PHLDB2: variants seen among roughly 807,000 people sequenced by gnomAD.
The protein encoded by PHLDB2 is pleckstrin homology-like domain family B member 2.
In PHLDB2, 71 loss-of-function variants were observed where a neutral mutation model predicts 123.6. The observed-to-expected ratio is 0.57, with a 90% CI of 0.47 to 0.70. The LOEUF (loss-of-function observed/expected upper bound fraction) is 0.70. Among genes scored for constraint, PHLDB2 ranks in the 30% least tolerant of loss-of-function variants. The probability of loss-of-function intolerance (pLI) is 0.00; values close to 1 mark genes in which losing one functional copy is unlikely to be tolerated. For synonymous variants in PHLDB2, 547 were observed against 541.6 expected, an observed-to-expected ratio of 1.01 and a Z score of -0.14; for missense variants, 1,446 against 1,519.5, an observed-to-expected ratio of 0.95 and a Z score of 0.80.
rs146143694 is a variant in PHLDB2, at chr3:111,952,419, A to C, written c.2632-153A>C. On this transcript the variant is annotated intron_variant, in intron 10 of 17. Coordinates refer to ENST00000431670, the MANE Select transcript of PHLDB2 (RefSeq NM_001134438.2). ...TAGTATCTAATCAAATACTAGCTCA[A>C]ATCTATCAGTGAACACAATATATGT... Among the ~76,000 whole-genome samples, 6 of 152,356 alleles carry C rather than the reference A, an allele frequency of 3.9e-5. No individual in the cohort carries two copies. In the South Asian group the frequency reaches 1.2e-3, roughly 32 times the overall value.
At chr3:111,883,861 A>T in intron 1 of PHLDB2, 2 of 534,884 alleles carry the variant, frequency 3.7e-6, no homozygotes, top group Non-Finnish European at 6.5e-6. Flanking sequence ...TCTCTTTTGT[A>T]CATAAGTTAT....
intron 1 of PHLDB2, among the ~76,000 whole-genome samples, chr3:111,781,954 C>A (rs6762572): frequency 0.27 from 40,676 of 151,964 alleles, 6,899 homozygotes; most frequent in African/African-American, 0.48. Context: ...CTACCTCAGT[C>A]ATAGGGCCAG....
chr3:111,754,082 G>A (rs1233355347), intron 1 of PHLDB2, among the ~76,000 whole-genome samples: 59 of 151,964 alleles, frequency 3.9e-4, no homozygotes, highest in Non-Finnish European at 7.6e-4. Context: ...GTCAGGTAGC[G>A]TGATGCCTCC....
chr3:111,791,070 G>C (rs1576613772), intron 1 of PHLDB2, among the ~76,000 whole-genome samples: 3 of 152,212 alleles, frequency 2.0e-5, no homozygotes, highest in African/African-American at 7.2e-5. Context: ...GTGTCACAAT[G>C]ATTTAACCAG....
chr3:111,965,225 G>A (rs895141125), intron 13 of PHLDB2, among the ~76,000 whole-genome samples: 11 of 152,192 alleles, frequency 7.2e-5, no homozygotes, highest in Non-Finnish European at 1.3e-4. Flanking sequence ...ATACTGCCAT[G>A]TTCTTCTCTT....
intron 1 of PHLDB2, among the ~76,000 whole-genome samples, chr3:111,829,873 T>A (rs2062853630): frequency 6.6e-6 from 1 of 151,966 alleles, no homozygotes; most frequent in East Asian, 1.9e-4. Context: ...TTTTGTTTTT[T>A]TTATTTCATA....
chr3:111,950,635 C>T (rs975051339), intron 10 of PHLDB2, among the ~76,000 whole-genome samples: 8 of 152,104 alleles, frequency 5.3e-5, no homozygotes, highest in Non-Finnish European at 8.8e-5. Flanking sequence ...GACTTCCTTT[C>T]GATTATAATC....
rs376826890 is a variant in PHLDB2, at chr3:111,762,062, G to A, written c.-49+29359G>A. 1.2e-4 allele frequency among the ~76,000 whole-genome samples: 18 copies of A among 152,226 alleles called. No individual in the cohort carries two copies. The East Asian group carries it at 2.7e-3, about 23-fold the overall frequency. ...AAGGGATGCCCCCCCAATCCCATCC[G>A]CCACATTCAGCTGAGAACCAGACCA... On this transcript the variant is annotated intron_variant, in intron 1 of 17. Coordinates refer to the PHLDB2 transcript ENST00000393923.
intron 8 of PHLDB2, among the ~76,000 whole-genome samples, chr3:111,941,457 T>C (rs1028294362): frequency 6.6e-6 from 1 of 152,168 alleles, no homozygotes; most frequent in Non-Finnish European, 1.5e-5. Flanking sequence ...AGCTGTACCA[T>C]AGTCCCACCT....
At chr3:111,868,881 C>G (rs1197635725) in intron 1 of PHLDB2, among the ~76,000 whole-genome samples, 1 of 152,160 alleles carries the variant, frequency 6.6e-6, no homozygotes, top group Non-Finnish European at 1.5e-5. Flanking sequence ...GAACATGCAG[C>G]TAAATTACTT....
intron 2 of PHLDB2, among the ~76,000 whole-genome samples, chr3:111,889,986 C>A (rs1457029501): frequency 6.6e-6 from 1 of 152,128 alleles, no homozygotes; most frequent in Non-Finnish European, 1.5e-5. Context: ...AACACTAGAA[C>A]ACAAAATCTC....
intron 1 of PHLDB2, among the ~76,000 whole-genome samples, chr3:111,839,929 C>A (rs1368727301): frequency 6.8e-6 from 1 of 146,848 alleles, no homozygotes; most frequent in Non-Finnish European, 1.5e-5. Flanking sequence ...TTTAAAAGCC[C>A]CCCACCCCCG....
intron 5 of PHLDB2, among the ~76,000 whole-genome samples, chr3:111,926,433 C>T (rs138283754): frequency 0.014 from 2,140 of 152,218 alleles, 24 homozygotes; most frequent in Non-Finnish European, 0.024. Flanking sequence ...CCAGCCCTTC[C>T]CGTGCCTCTT....
intron 1 of PHLDB2, among the ~76,000 whole-genome samples, chr3:111,752,634 A>C (rs2059801914): frequency 2.0e-5 from 3 of 149,788 alleles, no homozygotes. Flanking sequence ...TTTCTTTTTT[A>C]TTATTATTTT....
At chr3:111,809,958 C>A (rs1205004087) in intron 1 of PHLDB2, among the ~76,000 whole-genome samples, 1 of 152,184 alleles carries the variant, frequency 6.6e-6, no homozygotes, top group Non-Finnish European at 1.5e-5. Context: ...TCCCAAGTAG[C>A]TGGGACTACA....
At chr3:111,859,744 G>A in intron 1 of PHLDB2, 168 bp downstream of exon 1, 1 of 985,494 alleles carries the variant, frequency 1.0e-6, no homozygotes, top group Non-Finnish European at 1.2e-6. Context: ...GCCGAGGAGG[G>A]GCGCGCTGAC....
chr3:111,831,017 GAAA>G (rs1559855286), intron 1 of PHLDB2, among the ~76,000 whole-genome samples: 9 of 109,768 alleles, frequency 8.2e-5, no homozygotes, highest in African/African-American at 4.0e-4. Flanking sequence ...AAGAAAGAAA[GAAA>G]GAAAGAAAGA....
chr3:111,842,314 G>C (rs1275130332), intron 1 of PHLDB2, among the ~76,000 whole-genome samples: 1 of 152,152 alleles, frequency 6.6e-6, no homozygotes, highest in Non-Finnish European at 1.5e-5. Flanking sequence ...TGAAGGTACA[G>C]AGATTTCTCA....
At chr3:111,816,444 T>C (rs2062081287) in intron 1 of PHLDB2, among the ~76,000 whole-genome samples, 1 of 152,228 alleles carries the variant, frequency 6.6e-6, no homozygotes. Context: ...GTGACCTGGA[T>C]GTAAGACATA....
Sources: allele counts gnomAD v4.1 joint callset (sites outside exome capture counted in the v4.1 genomes callset), GRCh38; gene constraint gnomAD v4.1.1; transcripts MANE v1.5; gene names NCBI Gene and HGNC (gene_info 2026-07-23, HGNC 2026-07-21).